The following RIN3 variants were observed in gnomAD, a reference collection of about 807,000 sequenced individuals.
RIN3 encodes the protein Ras and Rab interactor 3.
Under a neutral mutation model 76.3 loss-of-function variants are expected in RIN3, and 54 were observed. That is an observed-to-expected ratio of 0.71 (90% confidence interval 0.57 to 0.89). RIN3 has a LOEUF of 0.89. RIN3 is among the 40% of genes least tolerant of loss of function. The pLI, the probability that RIN3 is intolerant of heterozygous loss-of-function variation, is 0.00. For synonymous variants in RIN3, 576 were observed against 564.0 expected, an observed-to-expected ratio of 1.02 and a Z score of -0.30; for missense variants, 1,256 against 1,322.1, an observed-to-expected ratio of 0.95 and a Z score of 0.78.
chr14:92,669,879 T>A (rs1391403050), intron 7 of RIN3, among the ~76,000 whole-genome samples: 1 of 152,068 alleles, frequency 6.6e-6, no homozygotes, highest in East Asian at 1.9e-4. Context: ...CTTTCTGGCC[T>A]TTTACAGAAA....
rs577553962 is a variant in RIN3 at position 92,644,013 on chromosome 14, T to C, written c.532+2684T>C. On this transcript the variant is annotated intron_variant, in intron 5 of 9. Transcript: ENST00000216487. ...CCCAGACAAGATTTGCACCAAAGGC[T>C]TTCTGTCCTCAGCGGTTCTTGAGCA... is the stretch of plus-strand genomic sequence containing the variant. Among the ~76,000 whole-genome samples the C allele has an allele frequency of 9.2e-5, 14 of 152,314 alleles. No homozygotes were observed. The South Asian group carries it at 2.7e-3, about 29-fold the overall frequency.
chr14:92,520,421 G>T (rs975576077), intron 1 of RIN3, among the ~76,000 whole-genome samples: 1 of 152,150 alleles, frequency 6.6e-6, no homozygotes, highest in African/African-American at 2.4e-5. Context: ...GCCCTAGGGG[G>T]GCTCTCCTAG....
intron 1 of RIN3, among the ~76,000 whole-genome samples, chr14:92,548,359 C>A (rs1897335836): frequency 6.6e-6 from 1 of 152,184 alleles, no homozygotes; most frequent in Admixed American, 6.5e-5. Flanking sequence ...ATTATTTAAC[C>A]TCTCTGTGCC....
At chr14:92,562,562 A>G (rs1166336767) in intron 2 of RIN3, among the ~76,000 whole-genome samples, 5 of 152,232 alleles carry the variant, frequency 3.3e-5, no homozygotes, top group African/African-American at 9.6e-5. Flanking sequence ...ACTTTGGACT[A>G]TAATCCAATA....
At chr14:92,657,958 G>A (rs1001068816) in intron 6 of RIN3, among the ~76,000 whole-genome samples, 1 of 152,180 alleles carries the variant, frequency 6.6e-6, no homozygotes, top group Admixed American at 6.5e-5. Context: ...CTCCTTACAG[G>A]AACAGGGCTT....
chr14:92,572,704 G>T (rs1898096328), intron 2 of RIN3, among the ~76,000 whole-genome samples: 1 of 152,042 alleles, frequency 6.6e-6, no homozygotes, highest in East Asian at 1.9e-4. Flanking sequence ...AGGGGCGGTG[G>T]TGGTTGTTCT....
intron 4 of RIN3, among the ~76,000 whole-genome samples, chr14:92,619,050 T>C (rs529024728): frequency 6.6e-6 from 1 of 151,994 alleles, no homozygotes; most frequent in Middle Eastern, 3.2e-3. Context: ...TTATAATTGA[T>C]AGCATATACT....
At chr14:92,582,442 CTTTTTTT>C (rs35072092) in intron 3 of RIN3, among the ~76,000 whole-genome samples, 10 of 117,550 alleles carry the variant, frequency 8.5e-5, no homozygotes, top group Middle Eastern at 5.4e-3. Context: ...TCCTTTTTTA[CTTTTTTT>C]TTTTTTTTTT....
chr14:92,554,457 A>C (rs1335556187), intron 1 of RIN3, among the ~76,000 whole-genome samples: 1 of 152,196 alleles, frequency 6.6e-6, no homozygotes, highest in Non-Finnish European at 1.5e-5. Flanking sequence ...CTGGGGGCTC[A>C]GGCACTGTTG....
chr14:92,676,330 C>A, intron 7 of RIN3, 145 bp from the exon 8 acceptor site: 1 of 958,780 alleles, frequency 1.0e-6, no homozygotes, highest in Non-Finnish European at 1.6e-6. Flanking sequence ...TCCTCTCTGT[C>A]CTGAGAGTCA....
At chr14:92,669,221 C>T (rs1888205988) in intron 7 of RIN3, among the ~76,000 whole-genome samples, 1 of 152,122 alleles carries the variant, frequency 6.6e-6, no homozygotes, top group African/African-American at 2.4e-5. Context: ...CCGAGTAAAA[C>T]TTTCATTCAA....
At chr14:92,584,626 G>T (rs1884699555) in intron 3 of RIN3, among the ~76,000 whole-genome samples, 1 of 152,136 alleles carries the variant, frequency 6.6e-6, no homozygotes, top group Admixed American at 6.5e-5. Context: ...AGAGAGAGGG[G>T]ACCAGCAGAA....
rs567525598 is a variant in RIN3, at chr14:92,613,726, G to A, written c.368-1681G>A. 4.6e-5 allele frequency among the ~76,000 whole-genome samples: 7 copies of A among 152,238 alleles called. No homozygotes were observed. The South Asian group carries it at 6.2e-4, about 14-fold the overall frequency. On this transcript the variant is annotated intron_variant, in intron 3 of 9. Transcript: ENST00000216487. ...GAGGCACTGAGGGGGGAAAGGGCACGCTCTAAGCCTCATTGTCTGTTCCAG... is the reference window on the plus strand; with the variant it reads ...GAGGCACTGAGGGGGGAAAGGGCACACTCTAAGCCTCATTGTCTGTTCCAG...
rs1296866629 is a variant in RIN3, at chr14:92,577,365, C to G, written c.255C>G (p.Phe85Leu). 8.7e-6 allele frequency: 14 copies of G among 1,612,236 alleles called. No homozygotes were observed. The highest frequency in any genetic ancestry group is 1.2e-5 in the Non-Finnish European group (14 of 1,178,662). The part of the protein sequence containing the change: ...RILHRVVAGM[F>L]LVRRDSSSKQ... ...ATCCCCTTCTTTGGTTTCAGATGTT[C>G]CTGGTTCGCCGGGACAGCAGCTCGA... The change falls in exon 3 of 10, where the codon TTC (phenylalanine) becomes TTG (leucine). Residue 85 changes from phenylalanine (F) to leucine (L), a missense_variant. Transcript: ENST00000216487.
At chr14:92,655,237 A>T (rs1021211662) in intron 6 of RIN3, among the ~76,000 whole-genome samples, 45 of 152,104 alleles carry the variant, frequency 3.0e-4, no homozygotes, top group African/African-American at 1.0e-3. Flanking sequence ...AGTCCCAGTT[A>T]CTCAGGTGGC....
chr14:92,576,367 C>G, intron 2 of RIN3: 2 of 1,289,854 alleles, frequency 1.6e-6, no homozygotes, highest in African/African-American at 1.5e-5. Flanking sequence ...CATGCTGGCT[C>G]TGGGTGAGAC....
intron 1 of RIN3, among the ~76,000 whole-genome samples, chr14:92,544,955 TCC>T (rs1897223237): frequency 2.0e-5 from 3 of 152,158 alleles, no homozygotes; most frequent in African/African-American, 7.2e-5. Flanking sequence ...TGTGCATGTA[TCC>T]ACAAACAGGT....
chr14:92,617,566 C>G (rs180823393), intron 4 of RIN3, among the ~76,000 whole-genome samples: 1 of 152,152 alleles, frequency 6.6e-6, no homozygotes, highest in Admixed American at 6.5e-5. Flanking sequence ...GCATTTAAAA[C>G]CTTTGAGAGA....
chr14:92,570,244 C>T (rs1024467911), intron 2 of RIN3, among the ~76,000 whole-genome samples: 1 of 152,242 alleles, frequency 6.6e-6, no homozygotes, highest in East Asian at 1.9e-4. Flanking sequence ...GCACCACTGG[C>T]TCCTGCTCTG....
Sources: allele counts gnomAD v4.1 joint callset (sites outside exome capture counted in the v4.1 genomes callset), GRCh38; gene constraint gnomAD v4.1.1; transcripts MANE v1.5; gene names NCBI Gene and HGNC (gene_info 2026-07-23, HGNC 2026-07-21).